The following RPA3 variants were observed in gnomAD, a reference collection of about 807,000 sequenced individuals.
RPA3 encodes the protein replication protein A3.
Under a neutral mutation model 13.7 loss-of-function variants are expected in RPA3, and 24 were observed. The ratio of observed to expected loss-of-function variants is 1.75; its 90% CI spans 1.27 to 2.46. The LOEUF is 2.46. Among genes scored for constraint, RPA3 ranks in the 30% most tolerant of loss-of-function variants. The probability of loss-of-function intolerance (pLI) is 0.00; values close to 1 mark genes in which losing one functional copy is unlikely to be tolerated. For missense variants in RPA3, 183 were observed against 151.0 expected (o/e 1.21, Z -1.11); for synonymous variants, 59 against 51.2 (o/e 1.15, Z -0.65).
At chr7:7,691,697 C>T (rs540142763) in intron 2 of RPA3, among the ~76,000 whole-genome samples, 5 of 152,194 alleles carry the variant, frequency 3.3e-5, no homozygotes, top group East Asian at 1.9e-4. Context: ...TTTAGTGACC[C>T]TTTTTTGTTC....
At chr7:7,684,975 A>G (rs947489646) in intron 4 of RPA3, among the ~76,000 whole-genome samples, 1 of 152,200 alleles carries the variant, frequency 6.6e-6, no homozygotes, top group African/African-American at 2.4e-5. Context: ...CTGTTTCCTT[A>G]CAGGCTTTAC....
intron 2 of RPA3, among the ~76,000 whole-genome samples, chr7:7,712,840 G>C (rs1333682363): frequency 5.3e-5 from 8 of 152,090 alleles, no homozygotes; most frequent in African/African-American, 1.7e-4. Context: ...TTGGCTAAAG[G>C]CTTATTGTAG....
intron 4 of RPA3, among the ~76,000 whole-genome samples, chr7:7,644,060 C>T (rs545516439): frequency 6.6e-6 from 1 of 152,152 alleles, no homozygotes; most frequent in Non-Finnish European, 1.5e-5. Context: ...ACTCTCTTAC[C>T]TGGAGTATAA....
At chr7:7,663,484 C>T (rs1785528115) in intron 4 of RPA3, among the ~76,000 whole-genome samples, 1 of 152,064 alleles carries the variant, frequency 6.6e-6, no homozygotes. Context: ...TCAAAAACTA[C>T]AAAATAAAAA....
chr7:7,640,089 G>A (rs867775700), intron 5 of RPA3: 5 of 552,832 alleles, frequency 9.0e-6, no homozygotes, highest in Middle Eastern at 9.6e-4. Context: ...GAGGCGACGG[G>A]CACTGGAATT....
intron 2 of RPA3, among the ~76,000 whole-genome samples, chr7:7,698,075 A>G (rs1780361023): frequency 1.3e-5 from 2 of 152,314 alleles, no homozygotes; most frequent in South Asian, 4.1e-4. Flanking sequence ...CTGGCTAGAC[A>G]ATATGTTATC....
At chr7:7,716,894 A>G (rs1780922382) in intron 1 of RPA3, among the ~76,000 whole-genome samples, 2 of 151,986 alleles carry the variant, frequency 1.3e-5, no homozygotes, top group Non-Finnish European at 2.9e-5. Context: ...TGCTATGTAA[A>G]TGGCACACCT....
intron 4 of RPA3, among the ~76,000 whole-genome samples, chr7:7,651,578 G>A (rs1268359053): frequency 6.6e-6 from 1 of 152,118 alleles, no homozygotes; most frequent in Non-Finnish European, 1.5e-5. Flanking sequence ...ATCTCATTCT[G>A]GTGATCTCTA....
chr7:7,700,191 G>A (rs557278403), intron 2 of RPA3, among the ~76,000 whole-genome samples: 11 of 152,296 alleles, frequency 7.2e-5, no homozygotes, highest in African/African-American at 2.4e-4. Flanking sequence ...GCAGTCTGGT[G>A]AGGGCCTTCT....
At chr7:7,669,684 A>G (rs764650059) in intron 4 of RPA3, among the ~76,000 whole-genome samples, 1 of 152,220 alleles carries the variant, frequency 6.6e-6, no homozygotes, top group Non-Finnish European at 1.5e-5. Context: ...CCACAGAACA[A>G]CATCTTGAGG....
intron 4 of RPA3, among the ~76,000 whole-genome samples, chr7:7,680,667 A>G (rs1233912342): frequency 6.7e-6 from 1 of 150,024 alleles, no homozygotes; most frequent in African/African-American, 2.5e-5. Flanking sequence ...CTTCCAATCC[A>G]TAAATTTGGA....
At position 7,655,218 on chromosome 7, in the gene RPA3, C is replaced by A. The variant is rs538169109; in HGVS notation, c.-757-14043G>T. On this transcript the variant is annotated intron_variant, in intron 4 of 7. Transcript: ENST00000223129. ...GACAGAGCCAGCCATTAAAAGTCAT[C>A]CAGTCGTGGGAATAAACTAGACTGC... 5.9e-5 allele frequency among the ~76,000 whole-genome samples: 9 copies of A among 152,200 alleles called. No individual in the cohort carries two copies. In the South Asian group the frequency reaches 1.7e-3, roughly 28 times the overall value.
chr7:7,639,184 CA>C, intron 5 of RPA3, 40 bp from the exon 6 acceptor site: 1 of 1,533,938 alleles, frequency 6.5e-7, no homozygotes, highest in Non-Finnish European at 9.0e-7. Flanking sequence ...ACTAAAACAA[CA>C]ACAAAGTTTG....
intron 4 of RPA3, among the ~76,000 whole-genome samples, chr7:7,675,699 C>T (rs1055302328): frequency 6.6e-6 from 1 of 152,186 alleles, no homozygotes; most frequent in Non-Finnish European, 1.5e-5. Context: ...CTTGGACTAG[C>T]ATAATTGGTG....
At chr7:7,659,502 A>G (rs6942487) in intron 4 of RPA3, among the ~76,000 whole-genome samples, 141,563 of 152,278 alleles carry the variant, frequency 0.93, 65,874 homozygotes, top group African/African-American at 0.98. Flanking sequence ...CTGGTACCTT[A>G]TATTTTTGTT....
intron 4 of RPA3, among the ~76,000 whole-genome samples, chr7:7,660,014 G>C (rs945123339): frequency 7.2e-5 from 11 of 152,280 alleles, no homozygotes; most frequent in African/African-American, 2.6e-4. Flanking sequence ...ATTTAGGATA[G>C]TTAGCTCTTC....
At chr7:7,680,127 C>T (rs1160974148) in intron 4 of RPA3, among the ~76,000 whole-genome samples, 1 of 152,096 alleles carries the variant, frequency 6.6e-6, no homozygotes, top group Non-Finnish European at 1.5e-5. Flanking sequence ...AGATTACTGT[C>T]CTGTAGCATT....
chr7:7,662,911 CTA>C (rs1320815216), intron 4 of RPA3, among the ~76,000 whole-genome samples: 2 of 152,166 alleles, frequency 1.3e-5, no homozygotes, highest in African/African-American at 4.8e-5. Flanking sequence ...ATGCTAGAAA[CTA>C]TGTCCTTTAT....
At chr7:7,650,831 A>G (rs1056832211) in intron 4 of RPA3, among the ~76,000 whole-genome samples, 9 of 152,204 alleles carry the variant, frequency 5.9e-5, no homozygotes, top group Non-Finnish European at 1.2e-4. Context: ...GGCATGGCAT[A>G]TAAGAAAGAC....
Sources: allele counts gnomAD v4.1 joint callset (sites outside exome capture counted in the v4.1 genomes callset), GRCh38; gene constraint gnomAD v4.1.1; transcripts MANE v1.5; gene names NCBI Gene and HGNC (gene_info 2026-07-23, HGNC 2026-07-21).